The following ARHGAP44 variants were observed in gnomAD, a reference collection of about 807,000 sequenced individuals.
ARHGAP44 encodes the protein rho GTPase-activating protein 44.
A neutral mutation model predicts 106.8 loss-of-function variants in ARHGAP44; 43 were observed. The observed-to-expected ratio is 0.40, with a 90% CI of 0.32 to 0.52. The LOEUF (loss-of-function observed/expected upper bound fraction) is 0.52. ARHGAP44 is among the 20% of genes least tolerant of loss of function. The pLI is 0.48. For missense variants in ARHGAP44, 866 were observed against 1,050.5 expected, an observed-to-expected ratio of 0.82 and a Z score of 2.43; for synonymous variants, 439 against 410.3, an observed-to-expected ratio of 1.07 and a Z score of -0.85.
chr17:12,955,840 A>G, intron 13 of ARHGAP44, 27 bp from the exon 14 acceptor site: 1 of 1,495,916 alleles, frequency 6.7e-7, no homozygotes, highest in Non-Finnish European at 9.3e-7. Flanking sequence ...GCCTTGGTTA[A>G]ACCTGGCCCT....
intron 1 of ARHGAP44, among the ~76,000 whole-genome samples, chr17:12,871,217 C>T (rs1289161306): frequency 6.6e-6 from 1 of 152,074 alleles, no homozygotes; most frequent in Non-Finnish European, 1.5e-5. Context: ...TTCTGTGTCC[C>T]CATCAACTCT....
chr17:12,877,471 A>G (rs1761038939), intron 1 of ARHGAP44, among the ~76,000 whole-genome samples: 1 of 152,254 alleles, frequency 6.6e-6, no homozygotes, highest in African/African-American at 2.4e-5. Context: ...TTAGTTATTT[A>G]AAGAAAATTT....
chr17:12,978,543 C>T (rs941125792), intron 18 of ARHGAP44, among the ~76,000 whole-genome samples: 2 of 135,910 alleles, frequency 1.5e-5, no homozygotes, highest in South Asian at 2.6e-4. Context: ...TTCCCCGGCC[C>T]AGCTCCCTGC....
intron 1 of ARHGAP44, among the ~76,000 whole-genome samples, chr17:12,865,279 CA>C (rs200548412): frequency 6.3e-4 from 95 of 151,102 alleles, no homozygotes; most frequent in African/African-American, 1.8e-3. Flanking sequence ...ATGATTTATA[CA>C]AAAAAAAATT....
chr17:12,879,167 C>T (rs2036642185), intron 1 of ARHGAP44, among the ~76,000 whole-genome samples: 1 of 152,184 alleles, frequency 6.6e-6, no homozygotes, highest in African/African-American at 2.4e-5. Flanking sequence ...CAAAGTCCTT[C>T]TTATGCCTTT....
chr17:12,943,285 G>C (rs770779795), intron 8 of ARHGAP44, among the ~76,000 whole-genome samples: 1 of 152,166 alleles, frequency 6.6e-6, no homozygotes, highest in East Asian at 1.9e-4. Context: ...TTGCACTGAG[G>C]ATGGGTTGCC....
At chr17:12,796,494 C>T (rs538978554) in intron 1 of ARHGAP44, among the ~76,000 whole-genome samples, 2 of 152,222 alleles carry the variant, frequency 1.3e-5, no homozygotes, top group Non-Finnish European at 2.9e-5. Flanking sequence ...AACTTCTGTG[C>T]TCAAGCGATC....
intron 1 of ARHGAP44, among the ~76,000 whole-genome samples, chr17:12,875,201 A>C (rs940207196): frequency 6.6e-6 from 1 of 152,078 alleles, no homozygotes; most frequent in South Asian, 2.1e-4. Flanking sequence ...TTTTTAACAA[A>C]TCTTCAAAGT....
Position 12,861,603 on chromosome 17 carries a change from G to A in ARHGAP44, c.54-33337G>A, listed in dbSNP as rs1321697437. Among the ~76,000 whole-genome samples, 3 of 149,202 alleles carry A rather than the reference G, an allele frequency of 2.0e-5. No homozygotes were observed. In the East Asian group the frequency reaches 5.9e-4, roughly 29 times the overall value. On this transcript the variant is annotated intron_variant, in intron 1 of 20. Transcript: ENST00000379672. The stretch of plus-strand genomic sequence containing the variant: ...ACCACATCGCTCTGATCCTTCTTTG[G>A]TCACATCTCCCTCTGAATTCCTCTT...
At chr17:12,934,875 A>G (rs1010647804) in intron 7 of ARHGAP44, among the ~76,000 whole-genome samples, 1 of 152,204 alleles carries the variant, frequency 6.6e-6, no homozygotes, top group African/African-American at 2.4e-5. Context: ...AGGCAGGAGT[A>G]CCACAAGGAG....
chr17:12,811,290 G>A (rs1365257633), intron 1 of ARHGAP44, among the ~76,000 whole-genome samples: 1 of 149,560 alleles, frequency 6.7e-6, no homozygotes, highest in Admixed American at 6.7e-5. Flanking sequence ...TCCAGCCTGG[G>A]TGACAGAGTG....
intron 1 of ARHGAP44, among the ~76,000 whole-genome samples, chr17:12,882,315 A>G (rs1220072012): frequency 6.6e-6 from 1 of 152,112 alleles, no homozygotes; most frequent in Non-Finnish European, 1.5e-5. Flanking sequence ...TTGATCTTGT[A>G]TCTAGCCATC....
chr17:12,989,811 T>G (rs1346283167), intron 20 of ARHGAP44, among the ~76,000 whole-genome samples: 1 of 152,150 alleles, frequency 6.6e-6, no homozygotes, highest in Admixed American at 6.5e-5. Flanking sequence ...CAGTGGCGTA[T>G]CCTGGGTGCT....
intron 1 of ARHGAP44, among the ~76,000 whole-genome samples, chr17:12,822,826 A>G (rs2034810059): frequency 1.3e-5 from 2 of 152,182 alleles, no homozygotes; most frequent in South Asian, 4.1e-4. Context: ...TGAAGTCTGT[A>G]AAAGGGGCAG....
At chr17:12,869,700 G>T (rs544888573) in intron 1 of ARHGAP44, among the ~76,000 whole-genome samples, 3 of 151,936 alleles carry the variant, frequency 2.0e-5, no homozygotes, top group South Asian at 4.1e-4. Context: ...CATTGTAGAA[G>T]AATTAAAAAA....
chr17:12,970,564 G>A (rs539131229), intron 16 of ARHGAP44, among the ~76,000 whole-genome samples: 1 of 152,112 alleles, frequency 6.6e-6, no homozygotes, highest in African/African-American at 2.4e-5. Flanking sequence ...ACTATAAAGG[G>A]ATCTAAAAGC....
intron 18 of ARHGAP44, among the ~76,000 whole-genome samples, chr17:12,974,552 T>A (rs1441073911): frequency 6.6e-6 from 1 of 152,080 alleles, no homozygotes; most frequent in Non-Finnish European, 1.5e-5. Context: ...GGTGGCAGCT[T>A]GCGAAGGCAG....
chr17:12,966,740 T>G (rs558405503), intron 16 of ARHGAP44, among the ~76,000 whole-genome samples: 33 of 152,336 alleles, frequency 2.2e-4, no homozygotes, highest in African/African-American at 7.2e-4. Flanking sequence ...CTTTGCCAAA[T>G]GTAACTGATC....
chr17:12,802,367 C>T (rs1437078304), intron 1 of ARHGAP44, among the ~76,000 whole-genome samples: 1 of 152,122 alleles, frequency 6.6e-6, no homozygotes, highest in Non-Finnish European at 1.5e-5. Context: ...CAGAGTGTCC[C>T]TGCTGCAGGG....
Sources: allele counts gnomAD v4.1 joint callset (sites outside exome capture counted in the v4.1 genomes callset), GRCh38; gene constraint gnomAD v4.1.1; transcripts MANE v1.5; gene names NCBI Gene and HGNC (gene_info 2026-07-23, HGNC 2026-07-21).